LRRC63: variants seen among roughly 807,000 people sequenced by gnomAD.
The protein encoded by LRRC63 is leucine-rich repeat-containing protein 63.
Under a neutral mutation model 49.5 loss-of-function variants are expected in LRRC63, and 40 were observed. That is an observed-to-expected ratio of 0.81 (90% confidence interval 0.63 to 1.05). The LOEUF is 1.05. Among genes scored for constraint, LRRC63 ranks in the 50% least tolerant of loss-of-function variants. The probability of loss-of-function intolerance (pLI) is 0.00; values close to 1 mark genes in which losing one functional copy is unlikely to be tolerated. For synonymous variants in LRRC63, 191 were observed against 221.1 expected (o/e 0.86, Z 1.21); for missense variants, 636 against 663.1 (o/e 0.96, Z 0.45).
chr13:46,266,776 T>G, exon 9 of LRRC63: 12 of 1,550,020 alleles, frequency 7.7e-6, no homozygotes, highest in Non-Finnish European at 1.0e-5. Context: ...ACTGAGTTTT[T>G]TCCCCCATGG....
At chr13:46,265,645 C>T (rs2047674957) in intron 8 of LRRC63, among the ~76,000 whole-genome samples, 1 of 152,216 alleles carries the variant, frequency 6.6e-6, no homozygotes, top group African/African-American at 2.4e-5. Context: ...CAAATACCAT[C>T]AACTTAAGGT....
intron 2 of LRRC63, among the ~76,000 whole-genome samples, chr13:46,220,367 C>G (rs1377703745): frequency 6.6e-6 from 1 of 152,194 alleles, no homozygotes; most frequent in Admixed American, 6.5e-5. Flanking sequence ...GCAGTGGGCT[C>G]CACCCAGTTT....
At chr13:46,246,343 C>T (rs1345299302) in intron 5 of LRRC63, among the ~76,000 whole-genome samples, 184 bp from the exon 6 acceptor site, 1 of 152,074 alleles carries the variant, frequency 6.6e-6, no homozygotes, top group Non-Finnish European at 1.5e-5. Context: ...CTATCTTTTA[C>T]ATACCAAAGA....
chr13:46,227,025 G>A (rs2046596245), intron 2 of LRRC63, among the ~76,000 whole-genome samples: 1 of 152,318 alleles, frequency 6.6e-6, no homozygotes, highest in East Asian at 1.9e-4. Flanking sequence ...TATGGCACCT[G>A]TAACCACTAT....
Position 46,269,295 on chromosome 13 carries a change from G to A in LRRC63, c.1550+2323G>A, listed in dbSNP as rs191895575. Among the ~76,000 whole-genome samples the A allele has an allele frequency of 4.0e-5, 6 of 151,804 alleles. No homozygotes were observed. In the East Asian group the frequency reaches 9.7e-4, roughly 24 times the overall value. ...AAAGTTAGAGAAGGTAATAAAGGTT[G>A]GTATTAAGTGCAAGGAAAGGCAAAT... On this transcript the variant is annotated intron_variant, in intron 9 of 9. Coordinates refer to ENST00000595396, the Ensembl canonical transcript of LRRC63.
chr13:46,222,892 T>G lies in LRRC63; in HGVS notation c.86-4620T>G, dbSNP rs565733758. Reference sequence around the variant, plus strand: ...AATACTATACAGCCTTAAAAAAGGATGAGTTCGTGTCCTTTGTAGGGACAT... The same window carrying G: ...AATACTATACAGCCTTAAAAAAGGAGGAGTTCGTGTCCTTTGTAGGGACAT... On this transcript the variant is annotated intron_variant, in intron 2 of 9. Transcript: ENST00000595396. Among the ~76,000 whole-genome samples, 183 of 152,218 alleles carry G rather than the reference T, an allele frequency of 1.2e-3. 1 individual carries two copies. The highest frequency in any genetic ancestry group is 4.2e-3 in the African/African-American group (175 of 41,522).
At chr13:46,262,298 A>G (rs1954286426) in intron 8 of LRRC63, among the ~76,000 whole-genome samples, 3 of 152,204 alleles carry the variant, frequency 2.0e-5, no homozygotes, top group Non-Finnish European at 1.5e-5. Flanking sequence ...GAGGAAATAC[A>G]TTTACGCAAA....
rs190967213 is a variant in LRRC63, at chr13:46,234,261, C to G, written c.902C>G (p.Ala301Gly). Residue 301 changes from alanine (A) to glycine (G), a missense_variant, in exon 5 of 10, where the codon GCA (alanine) becomes GGA (glycine). By Grantham distance (60) the Ala-to-Gly change is moderately conservative. Transcript: ENST00000595396. ...CGTGGTGAAGGTTTTAAGACTGTTG[C>G]AGCAACACGATATGAAACAATAACA... 3,373 of 1,550,176 alleles carry G rather than the reference C, an allele frequency of 2.2e-3. 6 individuals carry two copies. Among genetic ancestry groups the G allele is most frequent in the Admixed American group, 3.2e-3 (163 of 50,994 alleles).
At chr13:46,244,732 T>C (rs2047165030) in intron 5 of LRRC63, among the ~76,000 whole-genome samples, 2 of 152,120 alleles carry the variant, frequency 1.3e-5, no homozygotes, top group South Asian at 4.1e-4. Flanking sequence ...ATTGTGCCAC[T>C]GGACTCCAGG....
chr13:46,262,229 T>G (rs1353673060), intron 8 of LRRC63, among the ~76,000 whole-genome samples: 1 of 152,188 alleles, frequency 6.6e-6, no homozygotes, highest in East Asian at 1.9e-4. Context: ...ATAAGCTACT[T>G]ATGTCCATTT....
At chr13:46,254,960 C>A (rs1045405450) in intron 7 of LRRC63, among the ~76,000 whole-genome samples, 1 of 152,148 alleles carries the variant, frequency 6.6e-6, no homozygotes, top group African/African-American at 2.4e-5. Context: ...ATCAACAAAA[C>A]AGTGGAAAAC....
chr13:46,247,829 T>C (rs544558026), intron 6 of LRRC63, among the ~76,000 whole-genome samples: 39 of 152,146 alleles, frequency 2.6e-4, no homozygotes, highest in Middle Eastern at 3.4e-3. Context: ...GAAGCAGAAA[T>C]GTTAAATAAA....
chr13:46,233,236 G>C (rs1028152419), intron 4 of LRRC63, among the ~76,000 whole-genome samples: 1 of 151,926 alleles, frequency 6.6e-6, no homozygotes, highest in Non-Finnish European at 1.5e-5. Flanking sequence ...AACTCTGTGG[G>C]CTTAGAGCAG....
At chr13:46,255,636 C>A (rs2047488430) in intron 7 of LRRC63, among the ~76,000 whole-genome samples, 1 of 101,590 alleles carries the variant, frequency 9.8e-6, no homozygotes. Flanking sequence ...AGAGTAAGAC[C>A]CTGCCTCAAA....
intron 5 of LRRC63, among the ~76,000 whole-genome samples, chr13:46,240,346 C>G (rs2047025985): frequency 6.6e-6 from 1 of 151,934 alleles, no homozygotes; most frequent in Non-Finnish European, 1.5e-5. Context: ...CCAGGATGGT[C>G]TCTATCTCCT....
chr13:46,237,198 T>A (rs2046927841), intron 5 of LRRC63, among the ~76,000 whole-genome samples: 1 of 152,200 alleles, frequency 6.6e-6, no homozygotes, highest in Admixed American at 6.5e-5. Flanking sequence ...AGTAAAAGTA[T>A]CTGTGGTTTT....
rs572346431 is a variant in LRRC63, at chr13:46,230,568, G to A, written c.832+1835G>A. ...ATGTAGGTCCAAGAGCCCAAAAGCC[G>A]AAGAACTTGGAGTCTGATATTCTAT... On this transcript the variant is annotated intron_variant, in intron 4 of 9. Coordinates refer to ENST00000595396, the Ensembl canonical transcript of LRRC63. 5.9e-5 allele frequency among the ~76,000 whole-genome samples: 9 copies of A among 152,268 alleles called. No individual in the cohort carries two copies. The East Asian group carries it at 7.7e-4, about 13-fold the overall frequency.
At chr13:46,230,740 C>G (rs2138420179) in intron 4 of LRRC63, among the ~76,000 whole-genome samples, 1 of 152,332 alleles carries the variant, frequency 6.6e-6, no homozygotes, top group South Asian at 2.1e-4. Flanking sequence ...AAAGCTTTTT[C>G]TTTCCATGCT....
At chr13:46,230,680 A>T (rs1413199322) in intron 4 of LRRC63, among the ~76,000 whole-genome samples, 2 of 152,196 alleles carry the variant, frequency 1.3e-5, no homozygotes, top group Non-Finnish European at 2.9e-5. Flanking sequence ...TTAGTTATGC[A>T]CATCTCTCTA....
Sources: gnomAD v4.1 joint callset for allele counts (sites outside exome capture counted in the v4.1 genomes callset) on GRCh38, gnomAD v4.1.1 for gene constraint, MANE v1.5 for transcripts, NCBI Gene and HGNC (gene_info 2026-07-23, HGNC 2026-07-21) for gene names.